Variants in RBFOX1 observed in about 807,000 individuals in gnomAD.
RBFOX1 encodes RNA binding protein fox-1 homolog 1.
A neutral mutation model predicts 57.7 loss-of-function variants in RBFOX1; 8 were observed. The ratio of observed to expected loss-of-function variants is 0.14; its 90% CI spans 0.08 to 0.25. RBFOX1 has a LOEUF of 0.25. RBFOX1 is among the 10% of genes least tolerant of loss of function. The pLI, the probability that RBFOX1 is intolerant of heterozygous loss-of-function variation, is 1.00. For missense variants in RBFOX1, 611 were observed against 548.5 expected (o/e 1.11, Z -1.14); for synonymous variants, 326 against 222.4 (o/e 1.47, Z -4.15).
intron 3 of RBFOX1, among the ~76,000 whole-genome samples, chr16:6,816,583 T>C (rs1425080157): frequency 6.6e-6 from 1 of 151,520 alleles, no homozygotes; most frequent in Non-Finnish European, 1.5e-5. Flanking sequence ...CTACTAAAAA[T>C]ACAAAAATTA....
intron 3 of RBFOX1, among the ~76,000 whole-genome samples, chr16:6,766,139 A>G (rs1156349780): frequency 1.3e-5 from 2 of 152,160 alleles, no homozygotes; most frequent in African/African-American, 4.8e-5. Context: ...ATTTTTCAAA[A>G]AATATTTAAA....
At chr16:6,759,473 C>G (rs1283753128) in intron 3 of RBFOX1, among the ~76,000 whole-genome samples, 3 of 143,180 alleles carry the variant, frequency 2.1e-5, no homozygotes, top group African/African-American at 8.0e-5. Flanking sequence ...TGTCAGTTGT[C>G]TGTGTGTGTG....
At chr16:7,688,759 G>A (rs1016774861) in intron 14 of RBFOX1, among the ~76,000 whole-genome samples, 1 of 152,100 alleles carries the variant, frequency 6.6e-6, no homozygotes, top group African/African-American at 2.4e-5. Flanking sequence ...ACATAAGAGT[G>A]AAAGAGACAG....
At chr16:6,803,672 A>C (rs1222089652) in intron 3 of RBFOX1, among the ~76,000 whole-genome samples, 1 of 152,214 alleles carries the variant, frequency 6.6e-6, no homozygotes, top group African/African-American at 2.4e-5. Context: ...TTCTCCCTGA[A>C]CAAATATGCA....
chr16:5,254,646 A>C (rs770147625), intron 1 of RBFOX1, among the ~76,000 whole-genome samples: 1 of 152,114 alleles, frequency 6.6e-6, no homozygotes, highest in Non-Finnish European at 1.5e-5. Flanking sequence ...CCATTACTAC[A>C]GCCTGCTTCC....
chr16:5,689,382 A>G (rs1390242865), intron 3 of RBFOX1, among the ~76,000 whole-genome samples: 1 of 152,218 alleles, frequency 6.6e-6, no homozygotes, highest in East Asian at 1.9e-4. Flanking sequence ...TACAGGAAGC[A>G]ATTGGTAAAT....
intron 2 of RBFOX1, among the ~76,000 whole-genome samples, chr16:6,456,804 T>C (rs2094785483): frequency 6.6e-6 from 1 of 152,114 alleles, no homozygotes; most frequent in Non-Finnish European, 1.5e-5. Context: ...AGAATGAAGT[T>C]ATGAGAGGAA....
At chr16:6,282,268 A>G (rs1468574157) in intron 1 of RBFOX1, among the ~76,000 whole-genome samples, 7 of 151,910 alleles carry the variant, frequency 4.6e-5, no homozygotes, top group Non-Finnish European at 5.9e-5. Context: ...GGAAAATTTT[A>G]CAAGGTAATT....
chr16:5,957,627 G>C (rs2059671093), intron 4 of RBFOX1, among the ~76,000 whole-genome samples: 1 of 152,196 alleles, frequency 6.6e-6, no homozygotes, highest in Admixed American at 6.5e-5. Context: ...TCACTTGCAT[G>C]ATGATGGGCA....
intron 1 of RBFOX1, among the ~76,000 whole-genome samples, chr16:5,256,321 G>C (rs190463352): frequency 1.3e-5 from 2 of 152,284 alleles, no homozygotes; most frequent in African/African-American, 2.4e-5. Context: ...CAGTCCTTCT[G>C]TCTCCTCTGG....
intron 3 of RBFOX1, among the ~76,000 whole-genome samples, chr16:7,018,903 G>C (rs1391777738): frequency 1.3e-5 from 2 of 152,112 alleles, no homozygotes; most frequent in African/African-American, 4.8e-5. Flanking sequence ...AGGATCTCTT[G>C]AGCTCAGGAG....
intron 3 of RBFOX1, among the ~76,000 whole-genome samples, chr16:6,861,098 T>C (rs1409789824): frequency 1.3e-5 from 2 of 152,150 alleles, no homozygotes; most frequent in Non-Finnish European, 2.9e-5. Flanking sequence ...TTATATTTTA[T>C]GTTGCAAGCT....
At chr16:6,230,347 A>G (rs889339477) in intron 1 of RBFOX1, among the ~76,000 whole-genome samples, 3 of 152,138 alleles carry the variant, frequency 2.0e-5, no homozygotes, top group Non-Finnish European at 2.9e-5. Flanking sequence ...TAAGGAAAAA[A>G]TATTTATTAT....
intron 2 of RBFOX1, among the ~76,000 whole-genome samples, chr16:5,566,701 T>C (rs1031706231): frequency 1.3e-5 from 2 of 151,914 alleles, no homozygotes; most frequent in African/African-American, 2.4e-5. Flanking sequence ...TATACACATA[T>C]ATAGATATAT....
chr16:5,955,356 A>AT (rs1188369502), intron 4 of RBFOX1, among the ~76,000 whole-genome samples: 2 of 27,244 alleles, frequency 7.3e-5, no homozygotes, highest in Non-Finnish European at 1.3e-4. Context: ...TAAAATAAAT[A>AT]AAAATAAAAT....
intron 3 of RBFOX1, among the ~76,000 whole-genome samples, chr16:6,901,146 T>C (rs943267769): frequency 6.6e-6 from 1 of 152,164 alleles, no homozygotes; most frequent in East Asian, 1.9e-4. Flanking sequence ...TTAGACTGTC[T>C]CTTTCATGTC....
intron 1 of RBFOX1, among the ~76,000 whole-genome samples, chr16:6,086,715 A>C (rs1338425667): frequency 6.6e-6 from 1 of 152,168 alleles, no homozygotes; most frequent in South Asian, 2.1e-4. Flanking sequence ...TTTGTGTGGG[A>C]TGGAAACATG....
At chr16:5,535,104 A>G (rs749933293) in intron 2 of RBFOX1, among the ~76,000 whole-genome samples, 51 of 152,356 alleles carry the variant, frequency 3.3e-4, no homozygotes, top group Non-Finnish European at 5.9e-4. Flanking sequence ...TGACCAATAC[A>G]GTAGCTGATA....
chr16:5,312,873 C>G (rs2064129926), intron 1 of RBFOX1, among the ~76,000 whole-genome samples: 1 of 152,224 alleles, frequency 6.6e-6, no homozygotes, highest in Non-Finnish European at 1.5e-5. Flanking sequence ...GAGGCGGACA[C>G]TGCAGATTGC....
Sources: gnomAD v4.1 joint callset for allele counts (sites outside exome capture counted in the v4.1 genomes callset) on GRCh38, gnomAD v4.1.1 for gene constraint, MANE v1.5 for transcripts, NCBI Gene and HGNC (gene_info 2026-07-23, HGNC 2026-07-21) for gene names.